The following EXTL3 variants were observed in gnomAD, a reference collection of about 807,000 sequenced individuals.
EXTL3 encodes exostosin-like 3.
In EXTL3, 27 loss-of-function variants were observed where a neutral mutation model predicts 69.3. That is an observed-to-expected ratio of 0.39 (90% CI 0.29 to 0.54). EXTL3 has a LOEUF of 0.54. Among genes scored for constraint, EXTL3 ranks in the 20% least tolerant of loss-of-function variants. The pLI, the probability that EXTL3 is intolerant of heterozygous loss-of-function variation, is 0.69. For missense variants in EXTL3, 1,003 were observed against 1,231.8 expected (o/e 0.81, Z 2.78); for synonymous variants, 511 against 499.4 (o/e 1.02, Z -0.31).
upstream of EXTL3, among the ~76,000 whole-genome samples, chr8:28,618,402 A>G (rs983919333): frequency 3.9e-5 from 6 of 152,178 alleles, no homozygotes; most frequent in Admixed American, 3.3e-4. Context: ...GAAAAGAGAC[A>G]AAATTCAGAG....
At position 28,675,477 on chromosome 8, in the gene EXTL3, C is replaced by T. The variant is rs186435625; in HGVS notation, c.-52-37980C>T. ...AAGGAAAAGTCCACTGCAGCACGCT[C>T]GGTCCTCTCTTGCAGTAGTGCCCAG... On this transcript the variant is annotated intron_variant, in intron 1 of 6. Coordinates refer to the EXTL3 transcript ENST00000523149. 4.7e-3 allele frequency among the ~76,000 whole-genome samples: 714 copies of T among 152,188 alleles called. 26 individuals are homozygous for T. The highest frequency in any genetic ancestry group is 0.042 in the Admixed American group (649 of 15,274).
chr8:28,611,617 A>AG (rs1178626018), intron 2 of EXTL3, among the ~76,000 whole-genome samples: 1 of 152,118 alleles, frequency 6.6e-6, no homozygotes, highest in Non-Finnish European at 1.5e-5. Flanking sequence ...TCACAGCGAG[A>AG]GGGGTGATGA....
chr8:28,724,858 C>T (rs1043322997), intron 3 of EXTL3, among the ~76,000 whole-genome samples: 2 of 151,998 alleles, frequency 1.3e-5, no homozygotes, highest in African/African-American at 4.8e-5. Flanking sequence ...CTCTGTCGCT[C>T]ACCTCCCTCC....
intron 1 of EXTL3, among the ~76,000 whole-genome samples, chr8:28,651,410 C>T (rs186793274): frequency 2.0e-5 from 3 of 152,154 alleles, no homozygotes; most frequent in Admixed American, 6.5e-5. Context: ...ACTGCAGCCT[C>T]GAACTCCTAG....
intron 1 of EXTL3, among the ~76,000 whole-genome samples, chr8:28,704,180 C>T (rs1331394941): frequency 6.6e-6 from 1 of 152,214 alleles, no homozygotes; most frequent in Non-Finnish European, 1.5e-5. Flanking sequence ...TACTAACATA[C>T]TTCCCTCTCC....
intron 4 of EXTL3, among the ~76,000 whole-genome samples, chr8:28,731,643 T>C (rs967308174): frequency 2.0e-5 from 3 of 152,088 alleles, no homozygotes; most frequent in Non-Finnish European, 4.4e-5. Context: ...TGCAGGTGTA[T>C]CATCCTTAAA....
intron 1 of EXTL3, among the ~76,000 whole-genome samples, chr8:28,706,501 A>G (rs1800925476): frequency 6.6e-6 from 1 of 152,198 alleles, no homozygotes; most frequent in African/African-American, 2.4e-5. Context: ...GGATAGACAC[A>G]GTTTCAGTGT....
intron 1 of EXTL3, among the ~76,000 whole-genome samples, chr8:28,627,146 C>T (rs1326394634): frequency 6.6e-6 from 1 of 151,428 alleles, no homozygotes; most frequent in Non-Finnish European, 1.5e-5. Context: ...CAGGATTACG[C>T]CACTGCACTC....
chr8:28,704,500 C>G (rs1347805338), intron 1 of EXTL3, among the ~76,000 whole-genome samples: 1 of 152,168 alleles, frequency 6.6e-6, no homozygotes, highest in Non-Finnish European at 1.5e-5. Flanking sequence ...CTTCATTTGG[C>G]TGTGTCCAAT....
chr8:28,743,015 C>T, intron 5 of EXTL3, 71 bp from the exon 6 acceptor site: 1 of 1,570,626 alleles, frequency 6.4e-7, no homozygotes. Flanking sequence ...TCCATCCATG[C>T]ATATTTTGGC....
chr8:28,713,714 A>G (rs1248641435), intron 2 of EXTL3, among the ~76,000 whole-genome samples, 164 bp downstream of exon 2: 2 of 152,140 alleles, frequency 1.3e-5, no homozygotes, highest in Non-Finnish European at 2.9e-5. Context: ...AAATTTGAGT[A>G]TTTGGTCAGC....
intron 1 of EXTL3, among the ~76,000 whole-genome samples, chr8:28,713,130 C>T (rs573545012): frequency 3.9e-5 from 6 of 152,176 alleles, no homozygotes; most frequent in Non-Finnish European, 7.3e-5. Context: ...TCAGTATATA[C>T]TTTCAACAAG....
At chr8:28,684,375 A>G (rs138739133) in intron 1 of EXTL3, among the ~76,000 whole-genome samples, 1 of 152,288 alleles carries the variant, frequency 6.6e-6, no homozygotes, top group East Asian at 1.9e-4. Context: ...TGGTTGTACT[A>G]TCTATCATCA....
At chr8:28,713,970 G>C (rs1490637588) in intron 2 of EXTL3, among the ~76,000 whole-genome samples, 1 of 145,404 alleles carries the variant, frequency 6.9e-6, no homozygotes, top group Non-Finnish European at 1.5e-5. Context: ...GCAATGGTGC[G>C]ATCTCGGCTC....
intron 6 of EXTL3, among the ~76,000 whole-genome samples, chr8:28,745,611 C>T (rs1015733897): frequency 6.6e-6 from 1 of 152,116 alleles, no homozygotes; most frequent in Non-Finnish European, 1.5e-5. Context: ...GGACTTGAGT[C>T]AAGATGTATG....
chr8:28,719,756 CCTCAAA>C (rs1294060048), intron 3 of EXTL3, among the ~76,000 whole-genome samples: 1 of 152,086 alleles, frequency 6.6e-6, no homozygotes, highest in Non-Finnish European at 1.5e-5. Flanking sequence ...GATAGATGCT[CCTCAAA>C]TAGTAGAATA....
upstream of EXTL3, chr8:28,700,483 A>G (rs1367559554): frequency 1.3e-5 from 2 of 152,118 alleles, no homozygotes; most frequent in Non-Finnish European, 2.9e-5. Context: ...TCCAGCAGAA[A>G]GGGCGAGTGG....
chr8:28,716,795 C>A lies in EXTL3; in HGVS notation c.736C>A (p.Gln246Lys). The stretch of plus-strand genomic sequence containing the variant: ...TTACGTGATACTAGTGGGAGAGATG[C>A]AGGAGCCGGTGGTGCTGCGGCCTGC... ...CLYVILVGEM[Q>K]EPVVLRPAEL... Residue 246 changes from glutamine (Q) to lysine (K), a missense_variant, in exon 3 of 7, where the codon CAG becomes AAG. This residue lies in a region of EXTL3 where 742 missense variants were observed against 815.4 expected (regional missense o/e 0.91). Transcript: ENST00000220562. This position sits in a 1 kb window ranked among gnomAD's most constrained non-coding sequence, Gnocchi z 7.1. The A allele has an allele frequency of 6.2e-7, 1 of 1,614,244 alleles. No homozygotes were observed. Among genetic ancestry groups the A allele is most frequent in the South Asian group, 1.1e-5 (1 of 91,090 alleles).
intron 1 of EXTL3, among the ~76,000 whole-genome samples, chr8:28,634,024 G>A (rs1012044157): frequency 1.3e-5 from 2 of 152,202 alleles, no homozygotes; most frequent in African/African-American, 4.8e-5. Flanking sequence ...CCATGGACAA[G>A]GCCTGTGCTG....
Sources: gnomAD v4.1 joint callset for allele counts (sites outside exome capture counted in the v4.1 genomes callset) on GRCh38, gnomAD v4.1.1 for gene constraint, gnomAD v4.1.1 regional missense constraint, Gnocchi (gnomAD v3.1) non-coding constraint, MANE v1.5 for transcripts, NCBI Gene and HGNC (gene_info 2026-07-23, HGNC 2026-07-21) for gene names.